The following SEMA4D variants were observed in gnomAD, a reference collection of about 807,000 sequenced individuals.
SEMA4D encodes the protein semaphorin 4D.
A neutral mutation model predicts 74.8 loss-of-function variants in SEMA4D; 22 were observed. The observed-to-expected ratio is 0.29, with a 90% CI of 0.21 to 0.42. The LOEUF (loss-of-function observed/expected upper bound fraction) is 0.42, where lower values mean the gene tolerates loss of function less well. Ranked by LOEUF, SEMA4D falls within the 10% of genes least tolerant of loss-of-function variation. The pLI is 1.00. For missense variants in SEMA4D, 937 were observed against 1,118.4 expected (o/e 0.84, Z 2.31); for synonymous variants, 445 against 463.7 (o/e 0.96, Z 0.52).
intron 1 of SEMA4D, among the ~76,000 whole-genome samples, chr9:89,466,778 G>A (rs547136284): frequency 8.5e-5 from 13 of 152,290 alleles, no homozygotes; most frequent in East Asian, 3.9e-4. Context: ...GCAGGGAGGC[G>A]GCTACCAGGT....
At chr9:89,496,972 T>G (rs1463567938) in intron 1 of SEMA4D, among the ~76,000 whole-genome samples, 1 of 152,154 alleles carries the variant, frequency 6.6e-6, no homozygotes, top group Non-Finnish European at 1.5e-5. Context: ...TGGGATGTGC[T>G]CAACACAGAG....
intron 13 of SEMA4D, among the ~76,000 whole-genome samples, chr9:89,384,132 C>T (rs1157604632): frequency 6.6e-6 from 1 of 152,180 alleles, no homozygotes; most frequent in Non-Finnish European, 1.5e-5. Context: ...CCGAGCAAAC[C>T]GCATCTGCTG....
intron 1 of SEMA4D, among the ~76,000 whole-genome samples, chr9:89,490,389 T>C (rs553351632): frequency 4.6e-5 from 7 of 152,360 alleles, no homozygotes; most frequent in African/African-American, 1.4e-4. Flanking sequence ...TGGTCCCCCA[T>C]TTACAATGGT....
At chr9:89,442,988 C>G (rs980657924) in intron 2 of SEMA4D, among the ~76,000 whole-genome samples, 30 of 152,214 alleles carry the variant, frequency 2.0e-4, no homozygotes, top group Non-Finnish European at 4.3e-4. Flanking sequence ...ACCTCGGATG[C>G]CCACCAGGAC....
chr9:89,405,950 A>G (rs9410320), intron 2 of SEMA4D: 360,880 of 1,144,202 alleles, frequency 0.32, 58,880 homozygotes, highest in Non-Finnish European at 0.34. Flanking sequence ...GGACAGACAC[A>G]TGGAGAGGAC....
At chr9:89,372,113 G>GGTGTGT (rs147774978) in intron 16 of SEMA4D, among the ~76,000 whole-genome samples, 1 of 35,066 alleles carries the variant, frequency 2.9e-5, no homozygotes, top group African/African-American at 1.6e-4. Flanking sequence ...TGATGGGTGT[G>GGTGTGT]GTGTGTGGGG....
chr9:89,467,530 G>GTTTTTTT (rs1256771251), intron 1 of SEMA4D, among the ~76,000 whole-genome samples: 1 of 137,468 alleles, frequency 7.3e-6, no homozygotes. Flanking sequence ...GGGAGCGCAT[G>GTTTTTTT]ATTTTTTTTT....
At chr9:89,478,514 C>G (rs1862327258) in intron 1 of SEMA4D, among the ~76,000 whole-genome samples, 1 of 152,154 alleles carries the variant, frequency 6.6e-6, no homozygotes, top group African/African-American at 2.4e-5. Flanking sequence ...TGGAAACCAC[C>G]CAGTGTGTGG....
Position 89,381,938 on chromosome 9 carries a change from A to C in SEMA4D, c.1447-592T>G, listed in dbSNP as rs1837189386. ...GAGATCGTGATACAAAACATAAAAA[A>C]GGAACAATGCCTTTTGCTTTTCACT... On this transcript the variant is annotated intron_variant, in intron 13 of 15. Transcript: ENST00000422704. This position sits in a 1 kb window ranked among gnomAD's most constrained non-coding sequence, Gnocchi z 4.6. 6.6e-6 allele frequency: 1 copy of C among 152,348 alleles called. No individual in the cohort carries two copies. Among genetic ancestry groups the C allele is most frequent in the South Asian group, 2.1e-4 (1 of 4,836 alleles). 9.4% of individuals were successfully genotyped at this position (152,348 alleles called of 1,614,324 possible).
exon 19 of SEMA4D, chr9:89,362,329 G>A (rs1588041693): frequency 1.1e-5 from 18 of 1,613,338 alleles, no homozygotes; most frequent in South Asian, 7.7e-5. Flanking sequence ...GGCCTTCTCC[G>A]GGGGTGGCTG....
At chr9:89,461,700 C>CTCTTTTTTTTTTTTTTTTTTTTTT (rs71281350) in intron 1 of SEMA4D, among the ~76,000 whole-genome samples, 3 of 103,644 alleles carry the variant, frequency 2.9e-5, no homozygotes, top group East Asian at 7.3e-4. Context: ...TCTTTTTTCT[C>CTCTTTTTTTTTTTTTTTTTTTTTT]TTTTTTTTTT....
chr9:89,388,836 G>C (rs370925925), intron 10 of SEMA4D, 36 bp downstream of exon 10: 115 of 1,607,620 alleles, frequency 7.2e-5, no homozygotes, highest in Non-Finnish European at 9.2e-5. Flanking sequence ...GCGGCATCAA[G>C]GGAGCAAGGA....
intron 1 of SEMA4D, among the ~76,000 whole-genome samples, chr9:89,469,086 A>G (rs768259348): frequency 1.3e-5 from 2 of 152,180 alleles, no homozygotes; most frequent in Non-Finnish European, 2.9e-5. Context: ...CCAATTCCCA[A>G]TATCAGGAAA....
chr9:89,403,580 G>A (rs1463518988), intron 3 of SEMA4D, among the ~76,000 whole-genome samples: 1 of 152,190 alleles, frequency 6.6e-6, no homozygotes, highest in East Asian at 1.9e-4. Flanking sequence ...AACAAGTGAC[G>A]TCTCTTTGCT....
intron 1 of SEMA4D, among the ~76,000 whole-genome samples, chr9:89,469,847 C>T (rs1564906743): frequency 6.6e-6 from 1 of 152,150 alleles, no homozygotes. Context: ...AAGTCGGAAG[C>T]AAGGCAAGGA....
intron 9 of SEMA4D, 51 bp from the exon 10 acceptor site, chr9:89,389,098 G>A: frequency 6.3e-7 from 1 of 1,598,082 alleles, no homozygotes; most frequent in Non-Finnish European, 8.6e-7. Context: ...TCCCCTGTGA[G>A]CAAGCACTAA....
rs1330798580 is a variant in SEMA4D, at chr9:89,377,961, A to G, written c.*743T>C. Reference sequence around the variant, plus strand: ...CCAAAAACAATGCTTCCCTCAAGGAATAAAGTTAAAAAAAAAAAAAGAAAA... The same window carrying G: ...CCAAAAACAATGCTTCCCTCAAGGAGTAAAGTTAAAAAAAAAAAAAGAAAA... On this transcript the variant is annotated 3_prime_UTR_variant, in exon 16 of 16. Coordinates refer to ENST00000422704, the MANE Select transcript of SEMA4D (RefSeq NM_001371194.2). 6.6e-6 allele frequency: 1 copy of G among 152,134 alleles called. No homozygotes were observed. Among genetic ancestry groups the G allele is most frequent in the African/African-American group, 2.4e-5 (1 of 41,268 alleles). 9.4% of individuals were successfully genotyped at this position (152,134 alleles called of 1,614,324 possible). A position where few individuals can be genotyped will look rare whatever the true frequency, so the allele number is the denominator to read the frequency against.
chr9:89,414,418 T>TCTTCCCTCCCA (rs1006942503), intron 2 of SEMA4D, among the ~76,000 whole-genome samples: 2 of 152,140 alleles, frequency 1.3e-5, no homozygotes, highest in African/African-American at 4.8e-5. Context: ...GGACACGCAC[T>TCTTCCCTCCCA]CACCACATCT....
chr9:89,402,904 C>G lies in SEMA4D; in HGVS notation c.219G>C (p.Val73=). The G allele has an allele frequency of 6.2e-7, 1 of 1,614,140 alleles. No homozygotes were observed. The change falls in exon 4 of 16, where the codon GTG becomes GTC. Residue 73 remains valine, a synonymous_variant. Coordinates refer to ENST00000422704, the MANE Select transcript of SEMA4D (RefSeq NM_001371194.2). ...GCTTCTCGGAGATGTTGAGTGCGTTCACAGCGAAGACCGCCTCCCGGGCAC... is the reference window on the plus strand; with the variant it reads ...GCTTCTCGGAGATGTTGAGTGCGTTGACAGCGAAGACCGCCTCCCGGGCAC... ...YIGAREAVFA[V]NALNISEKQH...
Sources: allele counts gnomAD v4.1 joint callset (sites outside exome capture counted in the v4.1 genomes callset), GRCh38; gene constraint gnomAD v4.1.1; non-coding constraint Gnocchi (gnomAD v3.1); transcripts MANE v1.5; gene names NCBI Gene and HGNC (gene_info 2026-07-23, HGNC 2026-07-21).